The following LMTK2 variants were observed in gnomAD, a reference collection of about 807,000 sequenced individuals.
The protein encoded by LMTK2 is serine/threonine-protein kinase LMTK2.
LMTK2 carries 37 observed loss-of-function variants against 127.5 expected under a neutral mutation model. The ratio of observed to expected loss-of-function variants is 0.29; its 90% CI spans 0.22 to 0.38. The LOEUF is 0.38. Ranked by LOEUF, LMTK2 falls within the 10% of genes least tolerant of loss-of-function variation. The pLI, the probability that LMTK2 is intolerant of heterozygous loss-of-function variation, is 1.00. For missense variants in LMTK2, 1,694 were observed against 1,920.3 expected (o/e 0.88, Z 2.20); for synonymous variants, 819 against 810.1 (o/e 1.01, Z -0.19).
chr7:98,200,819 G>T (rs964987689), intron 11 of LMTK2, among the ~76,000 whole-genome samples: 1 of 149,336 alleles, frequency 6.7e-6, no homozygotes, highest in Non-Finnish European at 1.5e-5. Context: ...TATTTATTTT[G>T]TTGTTGTTGT....
At position 98,205,552 on chromosome 7, in the gene LMTK2, C is replaced by T. The variant is rs1797779130; in HGVS notation, c.*60C>T. 7 of 1,579,798 alleles carry T rather than the reference C, an allele frequency of 4.4e-6. No homozygotes were observed. The highest frequency in any genetic ancestry group is 6.1e-6 in the Non-Finnish European group (7 of 1,156,742). On this transcript the variant is annotated 3_prime_UTR_variant, in exon 14 of 14. Transcript: ENST00000297293. ...GCTCCCCTGGAGCGGCGCCCCTGCGCCCTCAGCCCGAGCAGCGACATCCAC... is the reference window on the plus strand; with the variant it reads ...GCTCCCCTGGAGCGGCGCCCCTGCGTCCTCAGCCCGAGCAGCGACATCCAC...
chr7:98,159,503 A>G (rs1188132749), intron 6 of LMTK2, 78 bp downstream of exon 6: 7 of 932,158 alleles, frequency 7.5e-6, no homozygotes, highest in Admixed American at 1.9e-5. Flanking sequence ...GACATGCTGG[A>G]TGAGGGGTTG....
At chr7:98,189,928 T>G (rs1192088706) in intron 9 of LMTK2, among the ~76,000 whole-genome samples, 3 of 152,120 alleles carry the variant, frequency 2.0e-5, no homozygotes, top group Non-Finnish European at 4.4e-5. Flanking sequence ...ACAGAGAGGA[T>G]ATCGTCTTGC....
intron 13 of LMTK2, 119 bp downstream of exon 13, chr7:98,204,305 G>A: frequency 7.5e-7 from 1 of 1,332,014 alleles, no homozygotes; most frequent in Non-Finnish European, 1.0e-6. Flanking sequence ...TTGCTGAGTA[G>A]ATTACAAACT....
intron 4 of LMTK2, among the ~76,000 whole-genome samples, 178 bp from the exon 5 acceptor site, chr7:98,154,579 CT>C (rs1374860930): frequency 2.6e-5 from 4 of 152,018 alleles, no homozygotes; most frequent in Admixed American, 1.3e-4. Flanking sequence ...TAAAATGGTC[CT>C]TTTACTGAAG....
intron 3 of LMTK2, among the ~76,000 whole-genome samples, chr7:98,149,076 G>A (rs933481120): frequency 5.9e-5 from 9 of 152,178 alleles, no homozygotes; most frequent in Non-Finnish European, 8.8e-5. Context: ...CGTTGTTTTC[G>A]AGGAATATGT....
At position 98,194,065 on chromosome 7, in the gene LMTK2, T is replaced by A; in HGVS notation, c.3600T>A (p.Ser1200Arg). Residue 1200 changes from serine (S) to arginine (R), a missense_variant, in exon 11 of 14, where the codon AGT (serine) becomes AGA (arginine). Ser to Arg is a moderately radical substitution (Grantham distance 110). This residue lies in a region of LMTK2 where 554 missense variants were observed against 567.7 expected (regional missense o/e 0.98). Coordinates refer to ENST00000297293, the MANE Select transcript of LMTK2 (RefSeq NM_014916.4). The surrounding 1 kb of genome is among the most constrained non-coding windows in gnomAD (Gnocchi z 5.4). ...ATCCCACGGAAGACGAGGCCAGCAG[T>A]CCCTGGAGTGTGCTGAATGCAGAAC... Reference protein sequence around the residue: ...QVHPTEDEASSPWSVLNAELS... With the variant: ...QVHPTEDEASRPWSVLNAELS... 1 of 1,614,074 alleles carries A rather than the reference T, an allele frequency of 6.2e-7. No homozygotes were observed. Among genetic ancestry groups the A allele is most frequent in the South Asian group, 1.1e-5 (1 of 91,078 alleles).
chr7:98,203,551 G>T (rs1197960593), intron 11 of LMTK2, 23 bp from the exon 12 acceptor site: 1 of 1,573,910 alleles, frequency 6.4e-7, no homozygotes, highest in Non-Finnish European at 8.6e-7. Context: ...TTTGCTGACA[G>T]GAGTTTCTGT....
chr7:98,165,556 A>C (rs2116411123), intron 6 of LMTK2, among the ~76,000 whole-genome samples: 1 of 152,216 alleles, frequency 6.6e-6, no homozygotes, highest in African/African-American at 2.4e-5. Context: ...GTCTCAAGTG[A>C]TCTTCCCACC....
intron 13 of LMTK2, among the ~76,000 whole-genome samples, chr7:98,205,083 C>T (rs1434201935): frequency 6.6e-6 from 1 of 152,188 alleles, no homozygotes; most frequent in Non-Finnish European, 1.5e-5. Flanking sequence ...TTAATAGGCT[C>T]ATTTTTTGAT....
chr7:98,117,358 C>T (rs1042998274), intron 1 of LMTK2, among the ~76,000 whole-genome samples: 2 of 152,094 alleles, frequency 1.3e-5, no homozygotes, highest in East Asian at 1.9e-4. Flanking sequence ...CGGGCCCATG[C>T]GATCCTCTGT....
intron 1 of LMTK2, among the ~76,000 whole-genome samples, chr7:98,107,990 TA>T (rs1584236239): frequency 6.6e-6 from 1 of 152,096 alleles, no homozygotes; most frequent in East Asian, 1.9e-4. Flanking sequence ...TTTTCCTAAA[TA>T]AAACTTCAAC....
chr7:98,145,429 T>C (rs780276920), intron 3 of LMTK2, among the ~76,000 whole-genome samples: 2 of 152,338 alleles, frequency 1.3e-5, no homozygotes, highest in Admixed American at 6.5e-5. Context: ...AGAAATTCTT[T>C]CTTATTCTGT....
In LMTK2 at chr7:98,192,287, C is replaced by G. The variant is rs1797540271; in HGVS notation, c.1822C>G (p.Gln608Glu). ...GTCCAGTACAGATGAGGACTTCTTC[C>G]AAAGCAGTACAGACCCCAAAGACTC... ...EESSTDEDFFQSSTDPKDSSL... is the reference protein window; with the variant it reads ...EESSTDEDFFESSTDPKDSSL... The change falls in exon 11 of 14, where the codon CAA (glutamine) becomes GAA (glutamate). Residue 608 changes from glutamine (Q) to glutamate (E), a missense_variant. Coordinates refer to ENST00000297293, the MANE Select transcript of LMTK2 (RefSeq NM_014916.4). 3 of 1,534,462 alleles carry G rather than the reference C, an allele frequency of 2.0e-6. No individual in the cohort carries two copies. Among genetic ancestry groups the G allele is most frequent in the Non-Finnish European group, 2.6e-6 (3 of 1,146,854 alleles).
intron 7 of LMTK2, among the ~76,000 whole-genome samples, chr7:98,183,197 C>G (rs1243960414): frequency 1.3e-5 from 2 of 152,146 alleles, no homozygotes; most frequent in Admixed American, 1.3e-4. Flanking sequence ...AATGCCTTTC[C>G]CTTTCTAGGT....
chr7:98,189,943 G>A (rs190083957), intron 9 of LMTK2, among the ~76,000 whole-genome samples: 1 of 152,030 alleles, frequency 6.6e-6, no homozygotes, highest in Non-Finnish European at 1.5e-5. Flanking sequence ...TCTTGCCCAT[G>A]TAAAGATTCC....
intron 7 of LMTK2, among the ~76,000 whole-genome samples, chr7:98,181,097 G>A (rs1270888501): frequency 6.6e-6 from 1 of 152,206 alleles, no homozygotes. Context: ...AGAAAATCTG[G>A]AGATGCTGTT....
At chr7:98,118,829 A>C (rs1464949267) in intron 1 of LMTK2, among the ~76,000 whole-genome samples, 1 of 152,206 alleles carries the variant, frequency 6.6e-6, no homozygotes, top group Non-Finnish European at 1.5e-5. Flanking sequence ...GCAGTGGCTC[A>C]TGCCTGTAAT....
intron 1 of LMTK2, among the ~76,000 whole-genome samples, chr7:98,130,621 C>T (rs566591224): frequency 6.6e-6 from 1 of 152,104 alleles, no homozygotes; most frequent in East Asian, 1.9e-4. Flanking sequence ...GGGCCTAATC[C>T]AGTGTGACTG....
Sources: gnomAD v4.1 joint callset for allele counts (sites outside exome capture counted in the v4.1 genomes callset) on GRCh38, gnomAD v4.1.1 for gene constraint, gnomAD v4.1.1 regional missense constraint, Gnocchi (gnomAD v3.1) non-coding constraint, MANE v1.5 for transcripts, NCBI Gene and HGNC (gene_info 2026-07-23, HGNC 2026-07-21) for gene names.